Variants in SLC25A13 observed in about 807,000 individuals in gnomAD.
SLC25A13 encodes electrogenic aspartate/glutamate antiporter SLC25A13, mitochondrial.
SLC25A13 carries 70 observed loss-of-function variants against 85.5 expected under a neutral mutation model. That is an observed-to-expected ratio of 0.82 (90% confidence interval 0.68 to 1.00). The LOEUF is 1.00. SLC25A13 is among the 50% of genes least tolerant of loss of function. The pLI, the probability that SLC25A13 is intolerant of heterozygous loss-of-function variation, is 0.00. For missense variants in SLC25A13, 765 were observed against 819.8 expected (o/e 0.93, Z 0.82); for synonymous variants, 259 against 288.7 (o/e 0.90, Z 1.04).
chr7:96,274,812 T>G (rs1255572979), intron 3 of SLC25A13, among the ~76,000 whole-genome samples: 4 of 152,200 alleles, frequency 2.6e-5, no homozygotes, highest in Non-Finnish European at 4.4e-5. Context: ...AAAGATCAGA[T>G]GGTTGTAGAT....
intron 4 of SLC25A13, among the ~76,000 whole-genome samples, chr7:96,210,235 T>C (rs1201532551): frequency 2.0e-5 from 3 of 152,188 alleles, no homozygotes; most frequent in African/African-American, 7.2e-5. Flanking sequence ...TTATAAAACA[T>C]GGCAGAAATC....
chr7:96,304,031 A>C (rs754038556), intron 1 of SLC25A13, among the ~76,000 whole-genome samples: 1 of 152,146 alleles, frequency 6.6e-6, no homozygotes, highest in Non-Finnish European at 1.5e-5. Flanking sequence ...GAATTCCCTA[A>C]AACCACAGTT....
Position 96,146,699 on chromosome 7 carries a change from A to T in SLC25A13, c.1312-3T>A. Reference sequence around the variant, plus strand: ...AAAATCACCTGGGAGCCTCCAGCCTAAAAAGAACAAAAAAGATTTAGGATC... The same window carrying T: ...AAAATCACCTGGGAGCCTCCAGCCTTAAAAGAACAAAAAAGATTTAGGATC... On this transcript the variant is annotated splice_polypyrimidine_tract_variant and splice_region_variant and intron_variant, in intron 13 of 17. Coordinates refer to ENST00000265631, the MANE Select transcript of SLC25A13 (RefSeq NM_014251.3). 1 of 1,614,024 alleles carries T rather than the reference A, an allele frequency of 6.2e-7. No homozygotes were observed. Among genetic ancestry groups the T allele is most frequent in the East Asian group, 2.2e-5 (1 of 44,870 alleles).
chr7:96,241,080 AAGAAAGAAAGAAAGAAAG>A (rs1264624091), intron 3 of SLC25A13, among the ~76,000 whole-genome samples: 1 of 150,276 alleles, frequency 6.7e-6, no homozygotes, highest in Non-Finnish European at 1.5e-5. Flanking sequence ...GAAAGAAAGA[AAGAAAGAAAGAAAGAAAG>A]AAAGAAAGGC....
intron 5 of SLC25A13, among the ~76,000 whole-genome samples, chr7:96,197,142 T>G (rs1259590715): frequency 6.6e-6 from 1 of 152,178 alleles, no homozygotes; most frequent in African/African-American, 2.4e-5. Flanking sequence ...CTCAACTGCA[T>G]GGGGAACCTC....
chr7:96,270,354 G>A (rs769817466), intron 3 of SLC25A13, among the ~76,000 whole-genome samples: 10 of 152,108 alleles, frequency 6.6e-5, no homozygotes, highest in African/African-American at 2.4e-4. Flanking sequence ...TCAGAAGTTC[G>A]AGACCAGCCT....
chr7:96,156,161 A>T (rs1026037588), intron 13 of SLC25A13, among the ~76,000 whole-genome samples: 1 of 152,218 alleles, frequency 6.6e-6, no homozygotes, highest in Non-Finnish European at 1.5e-5. Context: ...GTAATATGGA[A>T]GAGATGTTTT....
chr7:96,121,471 A>G (rs1791501970), intron 17 of SLC25A13, 94 bp from the exon 18 acceptor site: 2 of 1,485,080 alleles, frequency 1.3e-6, no homozygotes, highest in Non-Finnish European at 1.9e-6. Context: ...TATTTAATGT[A>G]AAGGAGTTGA....
At chr7:96,205,945 CAAAAA>C (rs397706103) in intron 5 of SLC25A13, among the ~76,000 whole-genome samples, 1 of 130,542 alleles carries the variant, frequency 7.7e-6, no homozygotes, top group African/African-American at 2.8e-5. Flanking sequence ...TATTAAGTGA[CAAAAA>C]AAAAAAAAGG....
chr7:96,182,011 T>C (rs190026939), intron 11 of SLC25A13, among the ~76,000 whole-genome samples: 39 of 152,342 alleles, frequency 2.6e-4, no homozygotes, highest in African/African-American at 9.1e-4. Flanking sequence ...TTTTTACTTA[T>C]ATTGTAATTT....
intron 7 of SLC25A13, among the ~76,000 whole-genome samples, chr7:96,190,747 G>A (rs1387579060): frequency 2.0e-5 from 3 of 152,062 alleles, no homozygotes; most frequent in Admixed American, 1.3e-4. Context: ...CAAGTAGCTG[G>A]GATTACAGGT....
At chr7:96,147,362 T>C (rs1792851136) in intron 13 of SLC25A13, among the ~76,000 whole-genome samples, 2 of 152,238 alleles carry the variant, frequency 1.3e-5, no homozygotes, top group Non-Finnish European at 2.9e-5. Flanking sequence ...AAGTGGTATA[T>C]GAAAGTAGCA....
chr7:96,194,364 C>CCTGG (rs948968125), intron 5 of SLC25A13, among the ~76,000 whole-genome samples: 1 of 126,678 alleles, frequency 7.9e-6, no homozygotes, highest in Non-Finnish European at 1.6e-5. Flanking sequence ...ATCACCTGAG[C>CCTGG]CTGGGGAGGA....
intron 4 of SLC25A13, among the ~76,000 whole-genome samples, chr7:96,230,644 G>C (rs1489736546): frequency 1.3e-5 from 2 of 152,110 alleles, no homozygotes; most frequent in Non-Finnish European, 2.9e-5. Context: ...CAGAAGTAAG[G>C]CTGTACACCT....
chr7:96,263,713 T>C (rs571014545), intron 3 of SLC25A13, among the ~76,000 whole-genome samples: 10 of 152,230 alleles, frequency 6.6e-5, no homozygotes, highest in African/African-American at 2.4e-4. Context: ...TCAACATACT[T>C]ATCCTTCAAT....
At chr7:96,321,357 G>A (rs1013398003) in intron 1 of SLC25A13, among the ~76,000 whole-genome samples, 19 of 152,266 alleles carry the variant, frequency 1.2e-4, no homozygotes, top group Middle Eastern at 3.4e-3. Flanking sequence ...GGGAAGATGG[G>A]AATGATGGGA....
intron 3 of SLC25A13, among the ~76,000 whole-genome samples, chr7:96,250,604 A>G (rs1797383984): frequency 6.6e-6 from 1 of 152,198 alleles, no homozygotes; most frequent in Non-Finnish European, 1.5e-5. Flanking sequence ...TGGTTTTTTC[A>G]ACACAAAGAA....
At chr7:96,140,407 T>TC (rs1231702351) in intron 14 of SLC25A13, among the ~76,000 whole-genome samples, 2 of 138,242 alleles carry the variant, frequency 1.4e-5, no homozygotes, top group African/African-American at 5.4e-5. Context: ...CTTTTTTTTT[T>TC]TTTTTTTTTT....
chr7:96,161,154 C>A (rs1457237195), intron 13 of SLC25A13, among the ~76,000 whole-genome samples: 1 of 152,082 alleles, frequency 6.6e-6, no homozygotes, highest in Non-Finnish European at 1.5e-5. Context: ...TATCTTCATC[C>A]TGTTCTTAAG....
Sources: allele counts gnomAD v4.1 joint callset (sites outside exome capture counted in the v4.1 genomes callset), GRCh38; gene constraint gnomAD v4.1.1; transcripts MANE v1.5; gene names NCBI Gene and HGNC (gene_info 2026-07-23, HGNC 2026-07-21).